The following TAFA1 variants were observed in gnomAD, a reference collection of about 807,000 sequenced individuals.
TAFA1 encodes chemokine-like protein TAFA-1.
A neutral mutation model predicts 18.5 loss-of-function variants in TAFA1; 4 were observed. The observed-to-expected ratio is 0.22, with a 90% CI of 0.11 to 0.49. The LOEUF (loss-of-function observed/expected upper bound fraction) is 0.49, where lower values mean the gene tolerates loss of function less well. TAFA1 is among the 20% of genes least tolerant of loss of function. The pLI is 0.98. For synonymous variants in TAFA1, 56 were observed against 55.2 expected, an observed-to-expected ratio of 1.01 and a Z score of -0.06; for missense variants, 147 against 169.0, an observed-to-expected ratio of 0.87 and a Z score of 0.72.
At chr3:68,325,033 A>G (rs1486437161) in intron 2 of TAFA1, among the ~76,000 whole-genome samples, 3 of 152,192 alleles carry the variant, frequency 2.0e-5, no homozygotes, top group Non-Finnish European at 4.4e-5. Context: ...GAAGGGCATC[A>G]TGGTCTACTG....
At chr3:68,449,615 C>T (rs75899787) in intron 3 of TAFA1, among the ~76,000 whole-genome samples, 6 of 152,122 alleles carry the variant, frequency 3.9e-5, no homozygotes, top group Non-Finnish European at 7.4e-5. Flanking sequence ...ACACAAAGAT[C>T]TAATATCTCT....
chr3:68,040,990 C>G (rs2106677415), intron 2 of TAFA1, among the ~76,000 whole-genome samples: 1 of 152,272 alleles, frequency 6.6e-6, no homozygotes, highest in South Asian at 2.1e-4. Context: ...TTATGCAACT[C>G]TAAGATACGT....
intron 3 of TAFA1, among the ~76,000 whole-genome samples, chr3:68,436,959 T>G (rs114735995): frequency 6.6e-6 from 1 of 152,188 alleles, no homozygotes; most frequent in Non-Finnish European, 1.5e-5. Flanking sequence ...TTCTTTCTCT[T>G]TTTATTTATA....
chr3:68,209,437 T>G (rs920967232), intron 2 of TAFA1, among the ~76,000 whole-genome samples: 4 of 152,068 alleles, frequency 2.6e-5, no homozygotes, highest in Non-Finnish European at 5.9e-5. Context: ...ATGGATAATG[T>G]GGCTCTATAA....
At chr3:68,527,104 A>T (rs1317355369) in intron 3 of TAFA1, among the ~76,000 whole-genome samples, 1 of 152,172 alleles carries the variant, frequency 6.6e-6, no homozygotes, top group Admixed American at 6.5e-5. Context: ...ACAGATGCAA[A>T]GTCATGTAAA....
intron 2 of TAFA1, among the ~76,000 whole-genome samples, chr3:68,227,415 C>T (rs1214751903): frequency 6.6e-6 from 1 of 152,122 alleles, no homozygotes; most frequent in Non-Finnish European, 1.5e-5. Context: ...GGAATCAAGA[C>T]AGATTAGAAC....
At chr3:68,433,653 A>G (rs1181218494) in intron 3 of TAFA1, among the ~76,000 whole-genome samples, 1 of 152,154 alleles carries the variant, frequency 6.6e-6, no homozygotes, top group Non-Finnish European at 1.5e-5. Context: ...TAGTGGGACA[A>G]GATCAAATCA....
intron 2 of TAFA1, among the ~76,000 whole-genome samples, chr3:68,365,685 C>G (rs542193822): frequency 6.6e-6 from 1 of 152,270 alleles, no homozygotes; most frequent in Admixed American, 6.5e-5. Flanking sequence ...ACTCACAGTT[C>G]TATGTGGCTG....
chr3:68,417,356 A>G lies in TAFA1; in HGVS notation c.195A>G (p.Val65=). 2.5e-6 allele frequency: 4 copies of G among 1,613,578 alleles called. No individual in the cohort carries two copies. The stretch of plus-strand genomic sequence containing the variant: ...GCATTGAGGAGCGGTCACAAACAGT[A>G]AAGTGTTCCTGTCTACCTGGAAAAG... The part of the protein sequence containing the change: ...KNRIEERSQT[V]KCSCLPGKVA... Residue 65 remains valine (V), a synonymous_variant, in exon 3 of 5, where the codon GTA becomes GTG. Coordinates refer to ENST00000478136, the MANE Select transcript of TAFA1 (RefSeq NM_213609.4).
intron 3 of TAFA1, among the ~76,000 whole-genome samples, chr3:68,491,634 T>C (rs1559691876): frequency 1.3e-5 from 2 of 152,000 alleles, no homozygotes; most frequent in Admixed American, 1.3e-4. Flanking sequence ...GGCACATGTA[T>C]ACATATGTAA....
intron 3 of TAFA1, among the ~76,000 whole-genome samples, chr3:68,449,601 A>T (rs1207657171): frequency 1.3e-5 from 2 of 152,182 alleles, no homozygotes; most frequent in African/African-American, 4.8e-5. Flanking sequence ...CTCTCTCCAA[A>T]AAAACACAAA....
chr3:68,304,933 T>G (rs1243237654), intron 2 of TAFA1, among the ~76,000 whole-genome samples: 1 of 152,180 alleles, frequency 6.6e-6, no homozygotes, highest in Non-Finnish European at 1.5e-5. Context: ...TTTATCAGGA[T>G]AGCTCCATTT....
intron 2 of TAFA1, among the ~76,000 whole-genome samples, chr3:68,088,346 G>T (rs2064995120): frequency 1.3e-5 from 2 of 152,062 alleles, no homozygotes; most frequent in South Asian, 2.1e-4. Context: ...TTGTGGTTTT[G>T]ACACATATAG....
chr3:68,000,304 C>G (rs1302700440), upstream of TAFA1, among the ~76,000 whole-genome samples: 3 of 152,200 alleles, frequency 2.0e-5, no homozygotes, highest in Non-Finnish European at 4.4e-5. Flanking sequence ...GGAGATAAAG[C>G]AGGCATTAAA....
chr3:68,305,434 TATATATATATATATATATATATAG>T (rs1283829038), intron 2 of TAFA1, among the ~76,000 whole-genome samples: 2 of 104,172 alleles, frequency 1.9e-5, no homozygotes, highest in African/African-American at 3.4e-5. Context: ...TATATATATA[TATATATATATATATATATATATAG>T]GTAGAAGGGG....
chr3:68,235,836 G>C (rs1291360009), intron 2 of TAFA1, among the ~76,000 whole-genome samples: 1 of 152,086 alleles, frequency 6.6e-6, no homozygotes, highest in Non-Finnish European at 1.5e-5. Context: ...AAAATTTCTT[G>C]AGAGTGAAAA....
chr3:68,254,617 A>G (rs893019709), intron 2 of TAFA1, among the ~76,000 whole-genome samples: 6 of 152,104 alleles, frequency 3.9e-5, no homozygotes, highest in African/African-American at 1.2e-4. Context: ...TGTGATGCCA[A>G]GTTATTTCCT....
chr3:68,355,463 G>A lies in TAFA1; in HGVS notation c.119-61817G>A, dbSNP rs983092051. Among the ~76,000 whole-genome samples the A allele has an allele frequency of 2.0e-5, 3 of 151,888 alleles. No individual in the cohort carries two copies. The South Asian group carries it at 6.2e-4, about 31-fold the overall frequency. ...AGAACTGAGTCAGTAGGATTGTTAC[G>A]ATAGATAAATGCACTAATATATGTG... is the stretch of plus-strand genomic sequence containing the variant. On this transcript the variant is annotated intron_variant, in intron 2 of 4. Transcript: ENST00000478136.
At chr3:68,203,698 A>G (rs948500069) in intron 2 of TAFA1, among the ~76,000 whole-genome samples, 4 of 151,600 alleles carry the variant, frequency 2.6e-5, no homozygotes, top group Non-Finnish European at 5.9e-5. Context: ...TCACATGCAA[A>G]ACTTGAGCTG....
Sources: gnomAD v4.1 joint callset for allele counts (sites outside exome capture counted in the v4.1 genomes callset) on GRCh38, gnomAD v4.1.1 for gene constraint, MANE v1.5 for transcripts, NCBI Gene and HGNC (gene_info 2026-07-23, HGNC 2026-07-21) for gene names.